TEX10: variants seen among roughly 807,000 people sequenced by gnomAD.
The protein encoded by TEX10 is testis-expressed protein 10.
In TEX10, 24 loss-of-function variants were observed where a neutral mutation model predicts 104.4. The ratio of observed to expected loss-of-function variants is 0.23; its 90% CI spans 0.17 to 0.32. The LOEUF (loss-of-function observed/expected upper bound fraction) is 0.32, where lower values mean the gene tolerates loss of function less well. TEX10 is among the 10% of genes least tolerant of loss of function. The pLI, the probability that TEX10 is intolerant of heterozygous loss-of-function variation, is 1.00. For synonymous variants in TEX10, 396 were observed against 393.4 expected, an observed-to-expected ratio of 1.01 and a Z score of -0.08; for missense variants, 921 against 1,083.9, an observed-to-expected ratio of 0.85 and a Z score of 2.11.
Position 100,327,865 on chromosome 9 carries a change from C to T in TEX10, c.1723G>A (p.Asp575Asn), listed in dbSNP as rs762508470. 2.5e-6 allele frequency: 4 copies of T among 1,608,506 alleles called. No individual in the cohort carries two copies. The highest frequency in any genetic ancestry group is 1.7e-5 in the Admixed American group (1 of 59,926). Residue 575 changes from aspartate to asparagine, a missense_variant, in exon 8 of 15, where the codon GAT (aspartate) becomes AAT (asparagine). Transcript: ENST00000374902. ...CGTGCTGCAGCGGTATGAATGATAT[C>T]GATAAGCTGTGTAGAGAGCTCAGGA... is the stretch of plus-strand genomic sequence containing the variant. Reference protein sequence around the residue: ...RNPELSTQLIDIIHTAAARAN... With the variant: ...RNPELSTQLINIIHTAAARAN...
At chr9:100,329,877 G>T (rs1359775604) in intron 6 of TEX10, 54 bp downstream of exon 6, 2 of 1,423,362 alleles carry the variant, frequency 1.4e-6, no homozygotes, top group South Asian at 1.3e-5. Context: ...TAGACCTTAA[G>T]ATAGCACATG....
intron 4 of TEX10, 126 bp downstream of exon 4, chr9:100,345,946 A>G: frequency 1.0e-6 from 1 of 998,746 alleles, no homozygotes; most frequent in Admixed American, 3.3e-5. Flanking sequence ...ACAAGTTTAC[A>G]GTTAAACCCA....
intron 11 of TEX10, among the ~76,000 whole-genome samples, chr9:100,317,515 G>A (rs1262614132): frequency 6.6e-6 from 1 of 152,026 alleles, no homozygotes; most frequent in African/African-American, 2.4e-5. Flanking sequence ...TTAAATGTAG[G>A]ACATGAAACT....
At chr9:100,343,751 T>C (rs763736065) in intron 4 of TEX10, among the ~76,000 whole-genome samples, 1 of 152,160 alleles carries the variant, frequency 6.6e-6, no homozygotes, top group Non-Finnish European at 1.5e-5. Context: ...AATTTACCAA[T>C]AGAAAAATCT....
chr9:100,322,002 T>C (rs756083851), intron 9 of TEX10, among the ~76,000 whole-genome samples: 1 of 152,210 alleles, frequency 6.6e-6, no homozygotes, highest in East Asian at 1.9e-4. Context: ...AAAAGCATAC[T>C]TGATCAACAT....
rs753081235 is a variant in TEX10, at chr9:100,329,881, G to A, written c.1489+50C>T. On this transcript the variant is annotated intron_variant, in intron 6 of 14. Transcript: ENST00000374902. ...CATTTCAAAGCTAGACCTTAAGATA[G>A]CACATGTAAGAGCTCCACTCTTAAA... The A allele has an allele frequency of 3.2e-5, 45 of 1,425,636 alleles. No homozygotes were observed. The East Asian group carries it at 7.3e-4, about 23-fold the overall frequency. The allele number at this position is 1,425,636 out of a possible 1,614,324, so 88.3% of individuals were successfully genotyped here. A position where few individuals can be genotyped will look rare whatever the true frequency, so the allele number is the denominator to read the frequency against.
intron 7 of TEX10, 29 bp from the exon 8 acceptor site, chr9:100,327,991 T>C: frequency 6.8e-7 from 1 of 1,478,568 alleles, no homozygotes; most frequent in Non-Finnish European, 9.1e-7. Context: ...GAATAAAATG[T>C]AATACTCAAA....
At chr9:100,312,325 C>T (rs1834301477) in intron 11 of TEX10, among the ~76,000 whole-genome samples, 1 of 151,990 alleles carries the variant, frequency 6.6e-6, no homozygotes, top group African/African-American at 2.4e-5. Flanking sequence ...GTAGACAGCC[C>T]GAAAGAACCA....
intron 6 of TEX10, 33 bp downstream of exon 6, chr9:100,329,898 A>G: frequency 1.3e-6 from 2 of 1,503,014 alleles, no homozygotes; most frequent in South Asian, 2.4e-5. Flanking sequence ...TAAGAGCTCC[A>G]CTCTTAAATA....
At position 100,320,381 on chromosome 9, in the gene TEX10, A is replaced by G. The variant is rs577141319; in HGVS notation, c.2086T>C (p.Leu696=). 4 of 1,610,282 alleles carry G rather than the reference A, an allele frequency of 2.5e-6. No individual in the cohort carries two copies. The highest frequency in any genetic ancestry group is 2.2e-5 in the South Asian group (2 of 90,322). Residue 696 remains leucine, a synonymous_variant, in exon 11 of 15, where the codon TTG becomes CTG. Coordinates refer to ENST00000374902, the MANE Select transcript of TEX10 (RefSeq NM_017746.4). ...STLTGFSKEE[L]TWLQSLRGVP... ...CCTCGAAGGCTCTGAAGCCAAGTCAACTCCTCTTTCGAAAACCCTAATTCA... is the reference window on the plus strand; with the variant it reads ...CCTCGAAGGCTCTGAAGCCAAGTCAGCTCCTCTTTCGAAAACCCTAATTCA...
At chr9:100,326,238 C>G in intron 9 of TEX10, 64 bp downstream of exon 9, 1 of 1,535,734 alleles carries the variant, frequency 6.5e-7, no homozygotes, top group East Asian at 2.3e-5. Flanking sequence ...CCGTAATTCA[C>G]AAATTACCAG....
intron 7 of TEX10, among the ~76,000 whole-genome samples, chr9:100,328,568 A>C (rs1834766718): frequency 6.6e-6 from 1 of 152,232 alleles, no homozygotes; most frequent in Non-Finnish European, 1.5e-5. Context: ...GAGATTATGT[A>C]AAGTAACTTG....
chr9:100,329,609 C>T (rs1834802358), intron 6 of TEX10, among the ~76,000 whole-genome samples: 1 of 152,086 alleles, frequency 6.6e-6, no homozygotes, highest in African/African-American at 2.4e-5. Context: ...TATAACTTAA[C>T]CTTAAGCTAG....
chr9:100,327,718 T>C (rs1564210990), intron 8 of TEX10, 69 bp downstream of exon 8: 16 of 1,335,722 alleles, frequency 1.2e-5, no homozygotes, highest in Non-Finnish European at 1.6e-5. Context: ...AGAGCTCCCC[T>C]TAAAAACTTC....
rs1197035497 is a variant in TEX10 at position 100,303,210 on chromosome 9, A to G, written c.2676+422T>C. Among the ~76,000 whole-genome samples, 3 of 152,320 alleles carry G rather than the reference A, an allele frequency of 2.0e-5. No homozygotes were observed. The East Asian group carries it at 5.8e-4, about 29-fold the overall frequency. ...CCTTTAATGATCACCAAAACACAAT[A>G]AAGTTGGCATTATTCCCATTTTTAC... On this transcript the variant is annotated intron_variant, in intron 14 of 14. Transcript: ENST00000374902.
intron 4 of TEX10, among the ~76,000 whole-genome samples, chr9:100,343,336 CA>C (rs754079763): frequency 1.1e-3 from 128 of 118,194 alleles, no homozygotes; most frequent in South Asian, 2.5e-3. Flanking sequence ...TAAGGGAATG[CA>C]AAAAAAAAAA....
chr9:100,332,488 A>T (rs918226359), intron 5 of TEX10, among the ~76,000 whole-genome samples: 2 of 152,162 alleles, frequency 1.3e-5, no homozygotes, highest in African/African-American at 4.8e-5. Context: ...CTCTGATGAA[A>T]CTTTAACTTC....
intron 12 of TEX10, 67 bp from the exon 13 acceptor site, chr9:100,308,748 AC>A: frequency 2.2e-6 from 3 of 1,357,620 alleles, no homozygotes; most frequent in Non-Finnish European, 1.9e-6. Flanking sequence ...TAAAACCAAA[AC>A]CTGTTAATTC....
At chr9:100,335,595 T>C (rs941835445) in intron 5 of TEX10, among the ~76,000 whole-genome samples, 1 of 152,268 alleles carries the variant, frequency 6.6e-6, no homozygotes, top group Admixed American at 6.5e-5. Flanking sequence ...TGTGAGTGTA[T>C]GGTGGTAAAG....
Sources: allele counts gnomAD v4.1 joint callset (sites outside exome capture counted in the v4.1 genomes callset), GRCh38; gene constraint gnomAD v4.1.1; transcripts MANE v1.5; gene names NCBI Gene and HGNC (gene_info 2026-07-23, HGNC 2026-07-21).